Variants in BIRC6 observed in about 807,000 individuals in gnomAD.
The protein encoded by BIRC6 is baculoviral IAP repeat containing 6, also known as dual E2 ubiquitin-conjugating enzyme/E3 ubiquitin-protein ligase BIRC6.
A neutral mutation model predicts 503.3 loss-of-function variants in BIRC6; 98 were observed. The ratio of observed to expected loss-of-function variants is 0.19; its 90% confidence interval spans 0.17 to 0.23. The LOEUF is 0.23. Among genes scored for constraint, BIRC6 ranks in the 10% least tolerant of loss-of-function variants. The pLI is 1.00. For synonymous variants in BIRC6, 2,240 were observed against 2,078.7 expected (o/e 1.08, Z -2.11); for missense variants, 5,360 against 5,806.0 (o/e 0.92, Z 2.50).
chr2:32,561,665 T>C (rs971496273), intron 65 of BIRC6, among the ~76,000 whole-genome samples: 2 of 151,242 alleles, frequency 1.3e-5, no homozygotes, highest in African/African-American at 2.4e-5. Context: ...CTAAAGTTTT[T>C]TTTAAAGTTT....
intron 65 of BIRC6, among the ~76,000 whole-genome samples, chr2:32,556,074 A>T (rs762727591): frequency 1.3e-5 from 2 of 152,158 alleles, no homozygotes; most frequent in African/African-American, 2.4e-5. Context: ...ATTTATTTCT[A>T]TATATGGTCA....
At chr2:32,496,450 C>G (rs901223423) in intron 45 of BIRC6, among the ~76,000 whole-genome samples, 47 of 152,170 alleles carry the variant, frequency 3.1e-4, no homozygotes, top group Admixed American at 3.0e-3. Context: ...TCTCAAACTC[C>G]TGGCCTCAAG....
rs114216712 is a variant in BIRC6 at position 32,438,083 on chromosome 2, C to T, written c.3632-1425C>T. 4.3e-3 allele frequency among the ~76,000 whole-genome samples: 651 copies of T among 152,268 alleles called. 4 individuals carry two copies. Among genetic ancestry groups the T allele is most frequent in the African/African-American group, 0.015 (625 of 41,554 alleles). ...CTAGGATTACAGGTGTGAGCCACCA[C>T]GTCTGGTCAAAAATACTGATTTTGA... On this transcript the variant is annotated intron_variant, in intron 15 of 73. Coordinates refer to ENST00000421745, the MANE Select transcript of BIRC6 (RefSeq NM_016252.4).
At chr2:32,484,114 C>T (rs887089033) in intron 39 of BIRC6, among the ~76,000 whole-genome samples, 1 of 152,130 alleles carries the variant, frequency 6.6e-6, no homozygotes, top group African/African-American at 2.4e-5. Context: ...TGAGCTCAAG[C>T]AGTCCGCCCT....
At chr2:32,481,474 CTT>C (rs1558851728) in intron 38 of BIRC6, 21 bp downstream of exon 38, 1 of 1,574,856 alleles carries the variant, frequency 6.3e-7, no homozygotes. Context: ...TGAGAATAGT[CTT>C]TGAAAGGAGG....
intron 38 of BIRC6, among the ~76,000 whole-genome samples, chr2:32,481,963 T>C (rs978875733): frequency 3.3e-5 from 5 of 152,188 alleles, no homozygotes; most frequent in African/African-American, 1.2e-4. Flanking sequence ...AAAGAAAACT[T>C]ACATTTTTAT....
chr2:32,407,035 G>A (rs1167717061), intron 9 of BIRC6, among the ~76,000 whole-genome samples: 4 of 152,146 alleles, frequency 2.6e-5, no homozygotes, highest in Admixed American at 6.6e-5. Context: ...AAAGCTAATA[G>A]TATGTTTCAA....
At chr2:32,587,257 C>T (rs181143739) in intron 66 of BIRC6, among the ~76,000 whole-genome samples, 23 of 152,168 alleles carry the variant, frequency 1.5e-4, no homozygotes, top group Admixed American at 3.3e-4. Context: ...AATGATGGTG[C>T]GCGCCTGTAG....
chr2:32,434,503 T>C (rs181582140), intron 13 of BIRC6, among the ~76,000 whole-genome samples: 1 of 151,894 alleles, frequency 6.6e-6, no homozygotes, highest in East Asian at 1.9e-4. Context: ...GAAAATACTT[T>C]GGGGGGGAAA....
intron 6 of BIRC6, among the ~76,000 whole-genome samples, chr2:32,400,360 G>A (rs1416061440): frequency 5.9e-4 from 79 of 133,014 alleles, no homozygotes; most frequent in African/African-American, 1.8e-3. Flanking sequence ...TTTTTTTGAG[G>A]TGGAGTCTCA....
intron 37 of BIRC6, among the ~76,000 whole-genome samples, chr2:32,479,985 C>G (rs1302743110): frequency 6.6e-6 from 1 of 151,020 alleles, no homozygotes; most frequent in African/African-American, 2.4e-5. Context: ...TTTTTTTTTC[C>G]TTTTTAAAAA....
chr2:32,395,638 T>C (rs368034743), intron 6 of BIRC6, 45 bp downstream of exon 6: 10 of 1,462,622 alleles, frequency 6.8e-6, no homozygotes, highest in Admixed American at 1.8e-5. Flanking sequence ...GTCAGTCGTG[T>C]AAATAATGCT....
chr2:32,496,569 G>GT (rs1224782131), intron 45 of BIRC6, among the ~76,000 whole-genome samples: 1 of 152,042 alleles, frequency 6.6e-6, no homozygotes, highest in Non-Finnish European at 1.5e-5. Flanking sequence ...GTTTTTGTCT[G>GT]TTTTTTATGC....
chr2:32,614,630 C>G (rs1249562209), intron 73 of BIRC6, among the ~76,000 whole-genome samples: 1 of 152,120 alleles, frequency 6.6e-6, no homozygotes, highest in Non-Finnish European at 1.5e-5. Context: ...GAGTTCAAGA[C>G]CAGCCTGGCC....
rs2048429252 is a variant in BIRC6, at chr2:32,465,308, A to G, written c.5356+144A>G. On this transcript the variant is annotated intron_variant, in intron 26 of 73. Transcript: ENST00000421745. ...CCTCTTGGGTTAAGTACATTTTATC[A>G]AGAATAAGCACTTACATGTTCAAGC... The G allele has an allele frequency of 7.1e-6, 4 of 560,358 alleles. No homozygotes were observed. In the South Asian group the frequency reaches 1.1e-4, roughly 15 times the overall value. The allele number at this position is 560,358 out of a possible 1,614,324, so 34.7% of individuals were successfully genotyped here.
intron 21 of BIRC6, among the ~76,000 whole-genome samples, chr2:32,448,229 G>A (rs1157991476): frequency 1.3e-5 from 1 of 79,830 alleles, no homozygotes. Context: ...AGGCAGAGAC[G>A]CTCCTCACTT....
At chr2:32,509,042 C>G (rs6713796) in intron 51 of BIRC6, among the ~76,000 whole-genome samples, 27,803 of 124,460 alleles carry the variant, frequency 0.22, 2,682 homozygotes, top group Admixed American at 0.33. Context: ...GCACTCCAGC[C>G]TGGGTGAGAG....
chr2:32,413,426 C>T (rs1227487588), intron 9 of BIRC6, among the ~76,000 whole-genome samples: 4 of 151,634 alleles, frequency 2.6e-5, no homozygotes, highest in African/African-American at 7.3e-5. Flanking sequence ...GTGATCTGCC[C>T]GCCTCAGCCT....
At chr2:32,492,092 T>C (rs2051797944) in intron 44 of BIRC6, among the ~76,000 whole-genome samples, 1 of 152,256 alleles carries the variant, frequency 6.6e-6, no homozygotes, top group East Asian at 1.9e-4. Context: ...ATTATATTTC[T>C]TTTAAAGTAA....
Sources: gnomAD v4.1 joint callset for allele counts (sites outside exome capture counted in the v4.1 genomes callset) on GRCh38, gnomAD v4.1.1 for gene constraint, MANE v1.5 for transcripts, NCBI Gene and HGNC (gene_info 2026-07-23, HGNC 2026-07-21) for gene names.